Variants in CDK12 observed in about 807,000 individuals in gnomAD.
CDK12 encodes cyclin dependent kinase 12.
Under a neutral mutation model 133.8 loss-of-function variants are expected in CDK12, and 17 were observed. The ratio of observed to expected loss-of-function variants is 0.13; its 90% CI spans 0.09 to 0.19. CDK12 has a LOEUF of 0.19. Among genes scored for constraint, CDK12 ranks in the 10% least tolerant of loss-of-function variants. The probability of loss-of-function intolerance (pLI) is 1.00; values close to 1 mark genes in which losing one functional copy is unlikely to be tolerated. For missense variants in CDK12, 1,508 were observed against 1,818.7 expected (o/e 0.83, Z 3.11); for synonymous variants, 694 against 683.6 (o/e 1.02, Z -0.24).
chr17:39,485,407 C>G lies in CDK12; in HGVS notation c.1932-5150C>G, dbSNP rs375757028. Among the ~76,000 whole-genome samples the G allele has an allele frequency of 8.9e-4, 119 of 132,992 alleles. 2 individuals carry two copies. The highest frequency in any genetic ancestry group is 5.6e-4 in the Admixed American group (7 of 12,538). The allele number at this position is 132,992 out of a possible 152,430, so 87.2% of individuals were successfully genotyped here. ...GAGACCAGAGCTTAGGCATCCCCCCCCTTTTTTTTTTTTTTTTTTTTTTGG... is the reference window on the plus strand; with the variant it reads ...GAGACCAGAGCTTAGGCATCCCCCCGCTTTTTTTTTTTTTTTTTTTTTTGG... On this transcript the variant is annotated intron_variant, in intron 2 of 13. Transcript: ENST00000447079.
rs192474605 is a variant in CDK12, at chr17:39,512,432, G to T, written c.2768+802G>T. On this transcript the variant is annotated intron_variant, in intron 8 of 13. Coordinates refer to ENST00000447079, the MANE Select transcript of CDK12 (RefSeq NM_016507.4). The stretch of plus-strand genomic sequence containing the variant: ...AAGGTGGGGAGCAGTGGGAGCCTCT[G>T]CCCAGAGAGTACAAGCAGTAAATGA... Among the ~76,000 whole-genome samples, 70 of 152,224 alleles carry T rather than the reference G, an allele frequency of 4.6e-4. 2 individuals carry two copies. In the East Asian group the frequency reaches 0.013, roughly 29 times the overall value.
chr17:39,554,880 C>T (rs1252277109), intron 2 of CDK12, among the ~76,000 whole-genome samples: 5 of 125,762 alleles, frequency 4.0e-5, no homozygotes, highest in Admixed American at 9.4e-5. Flanking sequence ...GGCAACAGAG[C>T]GAGACTCCGT....
intron 2 of CDK12, among the ~76,000 whole-genome samples, chr17:39,486,389 G>T (rs1173328755): frequency 1.3e-5 from 2 of 150,508 alleles, no homozygotes; most frequent in African/African-American, 4.9e-5. Flanking sequence ...CTTCAGCCTC[G>T]ATAGTAGCTG....
intron 2 of CDK12, among the ~76,000 whole-genome samples, chr17:39,552,918 G>A (rs776586665): frequency 6.6e-6 from 1 of 152,018 alleles, no homozygotes; most frequent in Admixed American, 6.6e-5. Context: ...TAGTAGAGAC[G>A]TGGTTTCACC....
intron 1 of CDK12, among the ~76,000 whole-genome samples, chr17:39,470,064 A>G (rs1420166882): frequency 6.6e-6 from 1 of 152,066 alleles, no homozygotes; most frequent in African/African-American, 2.4e-5. Flanking sequence ...CTTTTTTCAG[A>G]TGAATAAGTA....
downstream of CDK12, among the ~76,000 whole-genome samples, chr17:39,538,208 C>T (rs1176164553): frequency 6.6e-6 from 1 of 152,160 alleles, no homozygotes; most frequent in Non-Finnish European, 1.5e-5. Context: ...GACATGGATG[C>T]ATCACATTAA....
At chr17:39,564,075 G>C (rs2056487993) in intron 3 of CDK12, among the ~76,000 whole-genome samples, 1 of 152,170 alleles carries the variant, frequency 6.6e-6, no homozygotes, top group Non-Finnish European at 1.5e-5. Context: ...AAGCAAACCA[G>C]TTTACATCTG....
chr17:39,500,462 G>A (rs977858012), intron 5 of CDK12, among the ~76,000 whole-genome samples: 1 of 151,718 alleles, frequency 6.6e-6, no homozygotes, highest in Non-Finnish European at 1.5e-5. Flanking sequence ...GTGAAATCTC[G>A]TCTCTACTCA....
chr17:39,557,406 G>T (rs567099068), intron 3 of CDK12, among the ~76,000 whole-genome samples: 1 of 152,112 alleles, frequency 6.6e-6, no homozygotes, highest in Non-Finnish European at 1.5e-5. Context: ...ACACCTTGGG[G>T]TAGATCCAAG....
At chr17:39,516,886 A>T (rs866140151) in intron 9 of CDK12, among the ~76,000 whole-genome samples, 2 of 145,148 alleles carry the variant, frequency 1.4e-5, no homozygotes, top group African/African-American at 2.6e-5. Flanking sequence ...GATGGTCTCG[A>T]TCTCCTGACC....
chr17:39,548,139 A>G (rs1205387522), upstream of CDK12, among the ~76,000 whole-genome samples: 1 of 152,276 alleles, frequency 6.6e-6, no homozygotes. Context: ...CCCTTAGCAG[A>G]CAGTTTGGGG....
intron 2 of CDK12, among the ~76,000 whole-genome samples, chr17:39,473,880 G>A (rs1340003879): frequency 4.0e-5 from 6 of 149,690 alleles, no homozygotes; most frequent in Non-Finnish European, 5.9e-5. Flanking sequence ...GCCAGACTCC[G>A]TCTCAAAAAA....
At chr17:39,550,164 A>T (rs538743654), upstream of CDK12, 2 of 152,244 alleles carry the variant, frequency 1.3e-5, no homozygotes, top group Admixed American at 1.3e-4. Flanking sequence ...AATTAATGGG[A>T]CCTCAGGGAC....
intron 3 of CDK12, among the ~76,000 whole-genome samples, chr17:39,492,419 T>C (rs952335662): frequency 7.7e-5 from 11 of 142,164 alleles, no homozygotes; most frequent in Admixed American, 6.4e-4. Context: ...TTTTTTTTTT[T>C]CTTTTTGAGA....
At chr17:39,480,279 T>C (rs988156418) in intron 2 of CDK12, among the ~76,000 whole-genome samples, 66 of 149,420 alleles carry the variant, frequency 4.4e-4, no homozygotes, top group Admixed American at 1.4e-3. Flanking sequence ...TTTTTTTTTT[T>C]CCGAGACAGA....
intron 12 of CDK12, among the ~76,000 whole-genome samples, 166 bp from the exon 13 acceptor site, chr17:39,525,698 T>A (rs181240020): frequency 6.6e-6 from 1 of 152,236 alleles, no homozygotes; most frequent in Admixed American, 6.5e-5. Flanking sequence ...AGCGAAAGCA[T>A]AAAGAGTAAC....
chr17:39,479,183 C>A (rs1291473064), intron 2 of CDK12, among the ~76,000 whole-genome samples: 1 of 151,966 alleles, frequency 6.6e-6, no homozygotes, highest in Non-Finnish European at 1.5e-5. Context: ...TGGCGGGCCC[C>A]TGTAGTCCCA....
intron 1 of CDK12, among the ~76,000 whole-genome samples, chr17:39,541,030 G>A (rs994258466): frequency 1.3e-5 from 2 of 152,104 alleles, no homozygotes; most frequent in African/African-American, 4.8e-5. Context: ...ATATGGTGTC[G>A]CCTCCCACCA....
At chr17:39,476,370 A>G (rs1420840031) in intron 2 of CDK12, among the ~76,000 whole-genome samples, 2 of 151,820 alleles carry the variant, frequency 1.3e-5, no homozygotes, top group Non-Finnish European at 2.9e-5. Flanking sequence ...CAGCCTCCCA[A>G]AGTACTGAGA....
Sources: allele counts gnomAD v4.1 joint callset (sites outside exome capture counted in the v4.1 genomes callset), GRCh38; gene constraint gnomAD v4.1.1; transcripts MANE v1.5; gene names NCBI Gene and HGNC (gene_info 2026-07-23, HGNC 2026-07-21).